Variants in DLGAP2 observed in about 807,000 individuals in gnomAD.
DLGAP2 encodes disks large-associated protein 2.
In DLGAP2, 26 loss-of-function variants were observed where a neutral mutation model predicts 100.3. That is an observed-to-expected ratio of 0.26 (90% CI 0.19 to 0.36). The LOEUF is 0.36. Among genes scored for constraint, DLGAP2 ranks in the 10% least tolerant of loss-of-function variants. The pLI, the probability that DLGAP2 is intolerant of heterozygous loss-of-function variation, is 1.00. For synonymous variants in DLGAP2, 886 were observed against 630.1 expected, an observed-to-expected ratio of 1.41 and a Z score of -6.08; for missense variants, 1,858 against 1,453.2, an observed-to-expected ratio of 1.28 and a Z score of -4.53.
intron 1 of DLGAP2, among the ~76,000 whole-genome samples, chr8:863,410 A>G (rs973519104): frequency 1.3e-5 from 2 of 152,154 alleles, no homozygotes; most frequent in African/African-American, 2.4e-5. Context: ...GTGAAGAATA[A>G]TTTCTCCATT....
chr8:1,439,976 T>G (rs773435586), intron 3 of DLGAP2, among the ~76,000 whole-genome samples: 1 of 152,166 alleles, frequency 6.6e-6, no homozygotes, highest in Non-Finnish European at 1.5e-5. Context: ...GCACCTATGA[T>G]GTGCAAGTCA....
chr8:989,820 G>C (rs565890747), intron 2 of DLGAP2, among the ~76,000 whole-genome samples: 3 of 152,112 alleles, frequency 2.0e-5, no homozygotes, highest in African/African-American at 4.8e-5. Flanking sequence ...CTAATGACTG[G>C]CTATGTGGCT....
intron 8 of DLGAP2, among the ~76,000 whole-genome samples, chr8:1,637,706 C>T (rs570344140): frequency 2.0e-5 from 3 of 152,176 alleles, no homozygotes; most frequent in South Asian, 4.1e-4. Context: ...TGCTGTGTGC[C>T]GGCCGCTGCG....
At chr8:844,249 G>C (rs1243793259) in intron 1 of DLGAP2, among the ~76,000 whole-genome samples, 1 of 152,232 alleles carries the variant, frequency 6.6e-6, no homozygotes, top group Non-Finnish European at 1.5e-5. Context: ...GATGGCTCAT[G>C]TATACATTGA....
intron 2 of DLGAP2, among the ~76,000 whole-genome samples, chr8:971,895 C>T (rs1455985937): frequency 6.6e-6 from 1 of 152,104 alleles, no homozygotes; most frequent in Non-Finnish European, 1.5e-5. Flanking sequence ...ATGGTTGCAG[C>T]CCAGGGGTAC....
chr8:1,026,381 T>C (rs1411710187), intron 2 of DLGAP2, among the ~76,000 whole-genome samples: 2 of 152,152 alleles, frequency 1.3e-5, no homozygotes, highest in African/African-American at 4.8e-5. Flanking sequence ...CGGTTGGTGT[T>C]GTACTGTCTG....
In DLGAP2 at chr8:1,549,021, G is replaced by T; in HGVS notation, c.568G>T (p.Ala190Ser). The T allele has an allele frequency of 6.3e-7, 1 of 1,596,432 alleles. No homozygotes were observed. The highest frequency in any genetic ancestry group is 2.2e-5 in the East Asian group (1 of 44,554). Residue 190 changes from alanine to serine, a missense_variant, in exon 5 of 15, where the codon GCC becomes TCC. Transcript: ENST00000637795. ...HAGAKINRIP[A>S]NLLDQFEKQL... is the part of the protein sequence containing the mutation. Reference sequence around the variant, plus strand: ...GGGCGCCAAGATCAACCGCATCCCGGCCAACCTGCTGGACCAGTTCGAGAA... The same window carrying T: ...GGGCGCCAAGATCAACCGCATCCCGTCCAACCTGCTGGACCAGTTCGAGAA...
intron 2 of DLGAP2, among the ~76,000 whole-genome samples, chr8:1,211,624 C>G (rs1035486624): frequency 1.3e-5 from 2 of 152,178 alleles, no homozygotes; most frequent in Non-Finnish European, 2.9e-5. Flanking sequence ...GCCTGTAATC[C>G]CAGCACTTTG....
intron 3 of DLGAP2, among the ~76,000 whole-genome samples, chr8:1,455,801 C>A (rs1426432245): frequency 1.3e-5 from 2 of 152,214 alleles, no homozygotes; most frequent in Non-Finnish European, 2.9e-5. Flanking sequence ...GCGGAAGGCA[C>A]CACCTCCTCC....
At chr8:1,372,432 G>T (rs1167550078) in intron 3 of DLGAP2, among the ~76,000 whole-genome samples, 1 of 152,306 alleles carries the variant, frequency 6.6e-6, no homozygotes, top group African/African-American at 2.4e-5. Context: ...TCCTGGTGTG[G>T]GGAAGACAAA....
chr8:1,127,935 A>G (rs1372346802), intron 2 of DLGAP2, among the ~76,000 whole-genome samples: 1 of 152,244 alleles, frequency 6.6e-6, no homozygotes, highest in Admixed American at 6.5e-5. Flanking sequence ...TGATTAAGCC[A>G]CGCAAAATGT....
intron 6 of DLGAP2, among the ~76,000 whole-genome samples, chr8:1,601,049 G>C (rs1796607832): frequency 1.3e-5 from 2 of 152,096 alleles, no homozygotes; most frequent in South Asian, 4.2e-4. Context: ...TTTCGGATAG[G>C]GTTTTGGTGT....
At chr8:1,687,042 T>TG (rs1412892396) in intron 12 of DLGAP2, among the ~76,000 whole-genome samples, 3 of 152,008 alleles carry the variant, frequency 2.0e-5, no homozygotes, top group Admixed American at 6.5e-5. Context: ...CTCAAAAACA[T>TG]GAAAATCATG....
intron 1 of DLGAP2, among the ~76,000 whole-genome samples, chr8:785,217 G>A (rs111504299): frequency 9.2e-4 from 33 of 35,784 alleles, no homozygotes; most frequent in African/African-American, 2.7e-3. Context: ...GCGAGACTCC[G>A]CCTCAAAAAA....
Position 1,430,070 on chromosome 8 carries a change from A to C in DLGAP2, c.107-71296A>C, listed in dbSNP as rs537467088. Among the ~76,000 whole-genome samples the C allele has an allele frequency of 8.1e-5, 11 of 135,874 alleles. No homozygotes were observed. In the South Asian group the frequency reaches 2.8e-3, roughly 35 times the overall value. 89.1% of individuals were successfully genotyped at this position (135,874 alleles called of 152,430 possible). ...AACTTAGAATTCATTTTTAGTGAGA[A>C]TAATTATGTTACTGTGTGGTAAAAT... On this transcript the variant is annotated intron_variant, in intron 3 of 14. Coordinates refer to ENST00000637795, the MANE Select transcript of DLGAP2 (RefSeq NM_001346810.2).
At chr8:789,880 C>T (rs1414597397) in intron 1 of DLGAP2, among the ~76,000 whole-genome samples, 1 of 152,216 alleles carries the variant, frequency 6.6e-6, no homozygotes, top group Admixed American at 6.5e-5. Context: ...ATCAAAGCAG[C>T]TGGAGACATG....
At chr8:1,504,635 A>T (rs965138761) in intron 4 of DLGAP2, among the ~76,000 whole-genome samples, 3 of 152,206 alleles carry the variant, frequency 2.0e-5, no homozygotes, top group African/African-American at 7.2e-5. Context: ...AAGTGAGGTC[A>T]CGCGGCACCT....
chr8:910,352 C>A (rs1393020676), intron 2 of DLGAP2: 1 of 152,128 alleles, frequency 6.6e-6, no homozygotes, highest in Non-Finnish European at 1.5e-5. Flanking sequence ...CTATCGTTTT[C>A]TCTTGCAATT....
chr8:1,579,416 A>G (rs1195743135), intron 6 of DLGAP2, among the ~76,000 whole-genome samples: 1 of 152,130 alleles, frequency 6.6e-6, no homozygotes, highest in Non-Finnish European at 1.5e-5. Flanking sequence ...ATGGGGCGTA[A>G]TTATAAAGAT....
Sources: allele counts gnomAD v4.1 joint callset (sites outside exome capture counted in the v4.1 genomes callset), GRCh38; gene constraint gnomAD v4.1.1; transcripts MANE v1.5; gene names NCBI Gene and HGNC (gene_info 2026-07-23, HGNC 2026-07-21).